Variants in FMNL2 observed in about 807,000 individuals in gnomAD.
FMNL2 encodes the protein formin-like protein 2.
Under a neutral mutation model 130.2 loss-of-function variants are expected in FMNL2, and 51 were observed. The observed-to-expected ratio is 0.39, with a 90% CI of 0.31 to 0.49. The LOEUF (loss-of-function observed/expected upper bound fraction) is 0.49. FMNL2 is among the 20% of genes least tolerant of loss of function. FMNL2 has a pLI of 0.85. For synonymous variants in FMNL2, 465 were observed against 467.1 expected, an observed-to-expected ratio of 1.00 and a Z score of 0.06; for missense variants, 977 against 1,316.2, an observed-to-expected ratio of 0.74 and a Z score of 3.99.
chr2:152,458,906 G>T (rs564180608), intron 1 of FMNL2, among the ~76,000 whole-genome samples: 3 of 152,302 alleles, frequency 2.0e-5, no homozygotes, highest in East Asian at 3.9e-4. Context: ...CTTGTGGGAA[G>T]TGTGTAATAG....
intron 1 of FMNL2, among the ~76,000 whole-genome samples, chr2:152,351,663 C>T (rs183538345): frequency 3.7e-4 from 56 of 152,198 alleles, no homozygotes; most frequent in African/African-American, 1.1e-3. Flanking sequence ...AGTAGACATA[C>T]GTGTGCATGT....
chr2:152,527,142 C>T (rs1459578087), intron 2 of FMNL2, among the ~76,000 whole-genome samples: 2 of 152,096 alleles, frequency 1.3e-5, no homozygotes, highest in Non-Finnish European at 2.9e-5. Context: ...TACCTGTTTC[C>T]TAGGGGTGCC....
chr2:152,474,276 A>T (rs1376667589), intron 1 of FMNL2, among the ~76,000 whole-genome samples: 1 of 152,238 alleles, frequency 6.6e-6, no homozygotes, highest in African/African-American at 2.4e-5. Flanking sequence ...CAGGAAAGCC[A>T]CTAGCTCTGT....
intron 1 of FMNL2, among the ~76,000 whole-genome samples, chr2:152,420,189 TAA>T (rs945856851): frequency 6.6e-6 from 1 of 152,138 alleles, no homozygotes; most frequent in African/African-American, 2.4e-5. Flanking sequence ...CCAGAGTATT[TAA>T]AAGAGAGTAG....
intron 2 of FMNL2, among the ~76,000 whole-genome samples, chr2:152,542,453 C>T (rs1694363572): frequency 6.6e-6 from 1 of 152,184 alleles, no homozygotes; most frequent in Non-Finnish European, 1.5e-5. Flanking sequence ...GAAAGCAGTA[C>T]TGACTCTGGA....
intron 9 of FMNL2, among the ~76,000 whole-genome samples, chr2:152,585,857 A>G (rs1044669363): frequency 1.3e-5 from 2 of 150,300 alleles, no homozygotes; most frequent in Admixed American, 1.3e-4. Flanking sequence ...TACTTTTTCC[A>G]TTATATTCTT....
intron 2 of FMNL2, among the ~76,000 whole-genome samples, chr2:152,524,109 TA>T (rs1401690830): frequency 6.6e-6 from 1 of 152,170 alleles, no homozygotes; most frequent in Non-Finnish European, 1.5e-5. Flanking sequence ...GGAATTACTT[TA>T]AAGAGAGAAG....
At chr2:152,336,092 A>AAAACAAAAAAC (rs1553861630) in intron 1 of FMNL2, among the ~76,000 whole-genome samples, 1 of 132,268 alleles carries the variant, frequency 7.6e-6, no homozygotes, top group South Asian at 2.3e-4. Context: ...TTTTTTTAAA[A>AAAACAAAAAAC]AAAACAAAAC....
chr2:152,617,888 C>G (rs1699038459), intron 13 of FMNL2, among the ~76,000 whole-genome samples: 1 of 152,172 alleles, frequency 6.6e-6, no homozygotes, highest in Admixed American at 6.5e-5. Context: ...TGATGGTTAT[C>G]GTGTCTGTGT....
chr2:152,449,024 A>G (rs1365829250), intron 1 of FMNL2, among the ~76,000 whole-genome samples: 1 of 152,256 alleles, frequency 6.6e-6, no homozygotes, highest in Admixed American at 6.5e-5. Context: ...CTGTTGGTTA[A>G]GATGGCACTC....
chr2:152,453,820 T>C (rs1470710210), intron 1 of FMNL2, among the ~76,000 whole-genome samples: 4 of 152,148 alleles, frequency 2.6e-5, no homozygotes, highest in Admixed American at 2.0e-4. Context: ...TAGAGCCTAA[T>C]TGGAAACAAT....
At chr2:152,414,548 TCATAGCAA>T in intron 1 of FMNL2, among the ~76,000 whole-genome samples, 1 of 152,320 alleles carries the variant, frequency 6.6e-6, no homozygotes, top group South Asian at 2.1e-4. Context: ...GAAAGCTCTT[TCATAGCAA>T]GGACTATCCT....
chr2:152,589,661 C>T (rs901014440), intron 9 of FMNL2, among the ~76,000 whole-genome samples: 7 of 152,062 alleles, frequency 4.6e-5, no homozygotes, highest in African/African-American at 1.7e-4. Flanking sequence ...ATCAGAAAAT[C>T]GGAGTCAAAA....
chr2:152,494,413 AAG>A (rs754578904), intron 1 of FMNL2, among the ~76,000 whole-genome samples: 5 of 152,228 alleles, frequency 3.3e-5, no homozygotes, highest in Non-Finnish European at 7.3e-5. Context: ...AAACTACACA[AAG>A]AGCAAAATTA....
At chr2:152,449,522 C>T (rs561800682) in intron 1 of FMNL2, among the ~76,000 whole-genome samples, 51 of 152,254 alleles carry the variant, frequency 3.3e-4, no homozygotes, top group African/African-American at 1.1e-3. Flanking sequence ...TCAAGGTTCT[C>T]ATGGTAAGTG....
In FMNL2 at chr2:152,531,350, A is replaced by G. The variant is rs572990786; in HGVS notation, c.201+9324A>G. On this transcript the variant is annotated intron_variant, in intron 2 of 25. Transcript: ENST00000288670. ...TTTGGCTTAATGATTGATTTTGACC[A>G]TGTGGGTCACAGATTGAAACTATTG... Among the ~76,000 whole-genome samples, 26 of 152,290 alleles carry G rather than the reference A, an allele frequency of 1.7e-4. No homozygotes were observed. The East Asian group carries it at 5.0e-3, about 29-fold the overall frequency.
At chr2:152,390,189 G>A in intron 1 of FMNL2, 1 of 1,325,406 alleles carries the variant, frequency 7.5e-7, no homozygotes, top group Non-Finnish European at 1.1e-6. Context: ...GCTGGACCTG[G>A]TGGTCCCTTT....
chr2:152,543,795 A>T (rs550871876), intron 3 of FMNL2, among the ~76,000 whole-genome samples: 213 of 133,526 alleles, frequency 1.6e-3, no homozygotes, highest in Non-Finnish European at 2.8e-3. Flanking sequence ...GAAGTTTCCT[A>T]GGCCTTTCTC....
intron 1 of FMNL2, among the ~76,000 whole-genome samples, chr2:152,442,628 G>A (rs1483349148): frequency 6.6e-6 from 1 of 152,038 alleles, no homozygotes; most frequent in Non-Finnish European, 1.5e-5. Flanking sequence ...TTGAGTTATT[G>A]TCTGTTCATT....
Sources: gnomAD v4.1 joint callset for allele counts (sites outside exome capture counted in the v4.1 genomes callset) on GRCh38, gnomAD v4.1.1 for gene constraint, MANE v1.5 for transcripts, NCBI Gene and HGNC (gene_info 2026-07-23, HGNC 2026-07-21) for gene names.